CTNNBIP1: variants seen among roughly 807,000 people sequenced by gnomAD.
CTNNBIP1 encodes beta-catenin-interacting protein 1.
CTNNBIP1 carries 7 observed loss-of-function variants against 11.8 expected under a neutral mutation model. The ratio of observed to expected loss-of-function variants is 0.60; its 90% confidence interval spans 0.34 to 1.12. The LOEUF (loss-of-function observed/expected upper bound fraction) is 1.12, where lower values mean the gene tolerates loss of function less well. Ranked by LOEUF, CTNNBIP1 falls within the 50% of genes most tolerant of loss-of-function variation. The probability of loss-of-function intolerance (pLI) is 0.03; values close to 1 mark genes in which losing one functional copy is unlikely to be tolerated. For missense variants in CTNNBIP1, 101 were observed against 113.4 expected (o/e 0.89, Z 0.50); for synonymous variants, 58 against 43.9 (o/e 1.32, Z -1.26).
rs760722655 is a variant in CTNNBIP1, at chr1:9,872,009, T to C, written c.56A>G (p.Lys19Arg). The C allele has an allele frequency of 2.5e-6, 4 of 1,614,062 alleles. No homozygotes were observed. Among genetic ancestry groups the C allele is most frequent in the Non-Finnish European group, 3.4e-6 (4 of 1,180,008 alleles). The change falls in exon 4 of 6, where the codon AAG (lysine) becomes AGG (arginine). Residue 19 changes from lysine to arginine, a missense_variant. Coordinates refer to ENST00000377263, the MANE Select transcript of CTNNBIP1 (RefSeq NM_020248.3). The surrounding 1 kb of genome is among the most constrained non-coding windows in gnomAD (Gnocchi z 4.0). Reference protein sequence around the residue: ...KSPEEMYIQQKVRVLLMLRKM... With the variant: ...KSPEEMYIQQRVRVLLMLRKM... ...CCGCAGCATGAGCAGCACTCGGACC[T>C]TCTGCTGAATGTACATCTCCTCCGG... is the stretch of plus-strand genomic sequence containing the variant.
chr1:9,856,892 GAT>G (rs1638513262), intron 5 of CTNNBIP1, among the ~76,000 whole-genome samples: 1 of 151,814 alleles, frequency 6.6e-6, no homozygotes, highest in Non-Finnish European at 1.5e-5. Context: ...GAGAGGCCGA[GAT>G]GGGGGATCAC....
chr1:9,853,877 G>C (rs1420018386), intron 5 of CTNNBIP1, among the ~76,000 whole-genome samples: 1 of 150,350 alleles, frequency 6.7e-6, no homozygotes, highest in East Asian at 1.9e-4. Flanking sequence ...CATGAATATA[G>C]ATGCAAACAT....
chr1:9,868,411 C>G (rs1438807992), intron 5 of CTNNBIP1, among the ~76,000 whole-genome samples: 2 of 152,248 alleles, frequency 1.3e-5, no homozygotes, highest in African/African-American at 2.4e-5. Context: ...GCAAGGTCAA[C>G]AGCTAAGTGG....
chr1:9,849,627 A>C lies in CTNNBIP1; in HGVS notation c.*1091T>G, dbSNP rs759524669. 1 of 152,246 alleles carries C rather than the reference A, an allele frequency of 6.6e-6. No homozygotes were observed. Among genetic ancestry groups the C allele is most frequent in the Non-Finnish European group, 1.5e-5 (1 of 68,080 alleles). 9.4% of individuals were successfully genotyped at this position (152,246 alleles called of 1,614,324 possible). ...GTCTTTGGGGTCTCACACTGGGAGAAGCTCCTCCCCTTTCCAAGATGACCC... is the reference window on the plus strand; with the variant it reads ...GTCTTTGGGGTCTCACACTGGGAGACGCTCCTCCCCTTTCCAAGATGACCC... On this transcript the variant is annotated 3_prime_UTR_variant, in exon 6 of 6. Coordinates refer to ENST00000377263, the MANE Select transcript of CTNNBIP1 (RefSeq NM_020248.3).
chr1:9,864,026 G>A (rs1223346108), intron 5 of CTNNBIP1, among the ~76,000 whole-genome samples: 1 of 152,236 alleles, frequency 6.6e-6, no homozygotes, highest in East Asian at 1.9e-4. Context: ...AACTGACCTA[G>A]TTTAGGCTCT....
intron 1 of CTNNBIP1, among the ~76,000 whole-genome samples, chr1:9,897,856 C>G (rs1161728170): frequency 6.6e-6 from 1 of 152,090 alleles, no homozygotes; most frequent in African/African-American, 2.4e-5. Flanking sequence ...TGCGGTGGCT[C>G]ACGCCTGTAA....
Position 9,872,887 on chromosome 1 carries a change from C to A in CTNNBIP1, c.-24-799G>T, listed in dbSNP as rs1638894244. 6.6e-6 allele frequency among the ~76,000 whole-genome samples: 1 copy of A among 152,170 alleles called. No homozygotes were observed. The highest frequency in any genetic ancestry group is 1.5e-5 in the Non-Finnish European group (1 of 68,026). On this transcript the variant is annotated intron_variant, in intron 3 of 5. Transcript: ENST00000377263. The surrounding 1 kb of genome is among the most constrained non-coding windows in gnomAD (Gnocchi z 4.0). ...TGGGTATGGAGGGGCTTGGGTTACA[C>A]ACTGGTAACTCCTGGATGAGTCAGA...
intron 1 of CTNNBIP1, chr1:9,893,188 G>T (rs1639343890): frequency 6.6e-6 from 1 of 152,108 alleles, no homozygotes; most frequent in Non-Finnish European, 1.5e-5. Context: ...AACCCTGGAG[G>T]GTTTGTTCAA....
intron 3 of CTNNBIP1, among the ~76,000 whole-genome samples, chr1:9,876,276 A>G (rs1638966957): frequency 6.6e-6 from 1 of 152,142 alleles, no homozygotes; most frequent in Non-Finnish European, 1.5e-5. Flanking sequence ...ATCCTAAGAA[A>G]ATTTCTATTA....
Position 9,850,656 on chromosome 1 carries a change from C to A in CTNNBIP1, c.*62G>T. 6 of 1,525,826 alleles carry A rather than the reference C, an allele frequency of 3.9e-6. No homozygotes were observed. The highest frequency in any genetic ancestry group is 5.5e-6 in the Non-Finnish European group (6 of 1,100,088). The allele number at this position is 1,525,826 out of a possible 1,614,324, so 94.5% of individuals were successfully genotyped here. On this transcript the variant is annotated 3_prime_UTR_variant, in exon 6 of 6. Coordinates refer to ENST00000377263, the MANE Select transcript of CTNNBIP1 (RefSeq NM_020248.3). ...GGGGGGCTGCTGCCACTCAGCCGGCCCAGGAGCCACACAGATCTCTTGGCC... is the reference window on the plus strand; with the variant it reads ...GGGGGGCTGCTGCCACTCAGCCGGCACAGGAGCCACACAGATCTCTTGGCC...
intron 1 of CTNNBIP1, among the ~76,000 whole-genome samples, chr1:9,909,849 G>A (rs1380600085): frequency 6.6e-6 from 1 of 152,050 alleles, no homozygotes; most frequent in Admixed American, 6.6e-5. Flanking sequence ...CAAGGTGGGC[G>A]GCGCGGACAC....
chr1:9,858,960 C>T (rs1039771559), intron 5 of CTNNBIP1, among the ~76,000 whole-genome samples: 1 of 152,122 alleles, frequency 6.6e-6, no homozygotes, highest in Admixed American at 6.5e-5. Context: ...CAACTGGCCT[C>T]CTAGCATCTT....
intron 3 of CTNNBIP1, among the ~76,000 whole-genome samples, chr1:9,873,885 A>T (rs928191562): frequency 2.0e-5 from 3 of 152,086 alleles, no homozygotes; most frequent in African/African-American, 7.2e-5. Flanking sequence ...ACAGGTGCAC[A>T]TCACCACGCT....
At position 9,864,329 on chromosome 1, in the gene CTNNBIP1, A is replaced by G. The variant is rs886536925; in HGVS notation, c.187+6858T>C. On this transcript the variant is annotated intron_variant, in intron 5 of 5. Transcript: ENST00000377263. Reference sequence around the variant, plus strand: ...GGGTCCCTCTCAGCAACACCTTGACAAGGGCCTTTTCTTTTTTTAGGCCGA... The same window carrying G: ...GGGTCCCTCTCAGCAACACCTTGACGAGGGCCTTTTCTTTTTTTAGGCCGA... 2.6e-5 allele frequency among the ~76,000 whole-genome samples: 4 copies of G among 152,180 alleles called. 1 individual carries two copies. The East Asian group carries it at 5.8e-4, about 22-fold the overall frequency.
intron 2 of CTNNBIP1, among the ~76,000 whole-genome samples, chr1:9,882,344 G>C (rs1237060983): frequency 6.6e-6 from 1 of 152,206 alleles, no homozygotes; most frequent in Admixed American, 6.5e-5. Flanking sequence ...ATGAGCAGGG[G>C]GAGACAGACA....
In CTNNBIP1 at chr1:9,865,416, C is replaced by T. The variant is rs372361508; in HGVS notation, c.187+5771G>A. ...GAGATTGAGACCATCCTGGCTAACA[C>T]GGTGAAACCCCGTCTCTACTAAAAA... is the stretch of plus-strand genomic sequence containing the variant. On this transcript the variant is annotated intron_variant, in intron 5 of 5. Transcript: ENST00000377263. 7.7e-4 allele frequency among the ~76,000 whole-genome samples: 117 copies of T among 151,900 alleles called. 1 individual carries two copies. Among genetic ancestry groups the T allele is most frequent in the African/African-American group, 2.4e-3 (101 of 41,434 alleles).
At chr1:9,899,693 A>T (rs892417478) in intron 1 of CTNNBIP1, among the ~76,000 whole-genome samples, 1 of 151,984 alleles carries the variant, frequency 6.6e-6, no homozygotes, top group African/African-American at 2.4e-5. Context: ...CGGGAGGCGG[A>T]GGTTGCAGTG....
chr1:9,889,315 T>C (rs562390596), intron 1 of CTNNBIP1, among the ~76,000 whole-genome samples: 1 of 152,280 alleles, frequency 6.6e-6, no homozygotes, highest in Admixed American at 6.5e-5. Context: ...TGTGGCAATA[T>C]CTAGAGACAT....
chr1:9,870,005 C>T (rs1460325060), intron 5 of CTNNBIP1, among the ~76,000 whole-genome samples: 5 of 152,258 alleles, frequency 3.3e-5, no homozygotes, highest in African/African-American at 1.2e-4. Flanking sequence ...GCTGCTGTCC[C>T]AGGGAGCTGC....
Sources: allele counts gnomAD v4.1 joint callset (sites outside exome capture counted in the v4.1 genomes callset), GRCh38; gene constraint gnomAD v4.1.1; non-coding constraint Gnocchi (gnomAD v3.1); transcripts MANE v1.5; gene names NCBI Gene and HGNC (gene_info 2026-07-23, HGNC 2026-07-21).